UNC5C: variants seen among roughly 807,000 people sequenced by gnomAD.
UNC5C encodes the protein unc-5 netrin receptor C, also known as netrin receptor UNC5C.
Under a neutral mutation model 99.8 loss-of-function variants are expected in UNC5C, and 47 were observed. The observed-to-expected ratio is 0.47, with a 90% CI of 0.37 to 0.60. The LOEUF (loss-of-function observed/expected upper bound fraction) is 0.60, where lower values mean the gene tolerates loss of function less well. UNC5C is among the 20% of genes least tolerant of loss of function. The probability of loss-of-function intolerance (pLI) is 0.00; values close to 1 mark genes in which losing one functional copy is unlikely to be tolerated. For missense variants in UNC5C, 1,062 were observed against 1,165.9 expected, an observed-to-expected ratio of 0.91 and a Z score of 1.30; for synonymous variants, 487 against 452.2, an observed-to-expected ratio of 1.08 and a Z score of -0.98.
intron 3 of UNC5C, among the ~76,000 whole-genome samples, chr4:95,284,527 C>T (rs543848787): frequency 5.3e-4 from 80 of 152,202 alleles, no homozygotes; most frequent in Non-Finnish European, 6.6e-4. Context: ...CTCCTCAGAA[C>T]GACTTTCACA....
At chr4:95,316,049 A>G (rs542502775) in intron 2 of UNC5C, among the ~76,000 whole-genome samples, 2 of 152,304 alleles carry the variant, frequency 1.3e-5, no homozygotes, top group African/African-American at 4.8e-5. Context: ...TGGTTAATAA[A>G]TGTCCTTGGA....
intron 12 of UNC5C, among the ~76,000 whole-genome samples, chr4:95,186,008 C>T (rs1736815437): frequency 6.6e-6 from 1 of 152,150 alleles, no homozygotes; most frequent in South Asian, 2.1e-4. Context: ...ATATATACTT[C>T]CATTTCTCAG....
At chr4:95,278,513 G>A (rs983479386) in intron 3 of UNC5C, 151 bp from the exon 4 acceptor site, 98 of 630,286 alleles carry the variant, frequency 1.6e-4, no homozygotes, top group South Asian at 1.2e-3. Context: ...CTCACTCTGT[G>A]TCCCAGGCTG....
intron 3 of UNC5C, among the ~76,000 whole-genome samples, chr4:95,281,171 T>C (rs965279914): frequency 6.6e-6 from 1 of 152,206 alleles, no homozygotes; most frequent in African/African-American, 2.4e-5. Context: ...TTAAATAACA[T>C]AGTGACTCAC....
chr4:95,548,009 C>T (rs2149498725), intron 1 of UNC5C, among the ~76,000 whole-genome samples: 1 of 152,320 alleles, frequency 6.6e-6, no homozygotes, highest in South Asian at 2.1e-4. Context: ...TTGGTTTGAA[C>T]AAGCAGCCGG....
chr4:95,348,630 C>A (rs1233772235), intron 1 of UNC5C, among the ~76,000 whole-genome samples: 2 of 148,584 alleles, frequency 1.3e-5, no homozygotes, highest in Non-Finnish European at 3.0e-5. Context: ...TATAGTACTC[C>A]ATTGTGTATA....
At chr4:95,514,147 T>C (rs1192290436) in intron 1 of UNC5C, among the ~76,000 whole-genome samples, 1 of 152,170 alleles carries the variant, frequency 6.6e-6, no homozygotes, top group African/African-American at 2.4e-5. Context: ...CAGAACATGT[T>C]CATACAAGAT....
At chr4:95,298,930 A>G (rs1741770546) in intron 3 of UNC5C, among the ~76,000 whole-genome samples, 1 of 152,224 alleles carries the variant, frequency 6.6e-6, no homozygotes, top group South Asian at 2.1e-4. Context: ...GCTGAAAGGC[A>G]TGGAAATCAA....
In UNC5C at chr4:95,467,631, G is replaced by T. The variant is rs554434389; in HGVS notation, c.124+81103C>A. Among the ~76,000 whole-genome samples, 95 of 152,200 alleles carry T rather than the reference G, an allele frequency of 6.2e-4. No individual in the cohort carries two copies. In the Middle Eastern group the frequency reaches 0.014, roughly 22 times the overall value. ...GTGTCTGCATAGTCACTGCATAAAA[G>T]TATTGATTCCAGGAAAGTCTCTTAG... On this transcript the variant is annotated intron_variant, in intron 1 of 15. Coordinates refer to ENST00000453304, the MANE Select transcript of UNC5C (RefSeq NM_003728.4).
At chr4:95,266,561 C>T (rs1013782906) in intron 4 of UNC5C, among the ~76,000 whole-genome samples, 2 of 152,160 alleles carry the variant, frequency 1.3e-5, no homozygotes, top group African/African-American at 4.8e-5. Context: ...AGCTCCTAGA[C>T]TCATGGTTTT....
chr4:95,307,423 C>G (rs1742101505), intron 2 of UNC5C, among the ~76,000 whole-genome samples: 1 of 152,064 alleles, frequency 6.6e-6, no homozygotes, highest in Non-Finnish European at 1.5e-5. Flanking sequence ...GCAACACTTA[C>G]AGAGACTGAA....
chr4:95,356,193 C>CAAAAAAAAAAAA (rs59097041), intron 1 of UNC5C, among the ~76,000 whole-genome samples: 19 of 57,984 alleles, frequency 3.3e-4, no homozygotes, highest in African/African-American at 4.7e-4. Flanking sequence ...GACCCTGTAG[C>CAAAAAAAAAAAA]AAAAAAAAAA....
intron 4 of UNC5C, among the ~76,000 whole-genome samples, chr4:95,267,065 A>G (rs1320473258): frequency 6.6e-6 from 1 of 152,240 alleles, no homozygotes; most frequent in Admixed American, 6.5e-5. Context: ...TTTCCAAACA[A>G]TACTTATTTC....
intron 7 of UNC5C, among the ~76,000 whole-genome samples, chr4:95,224,007 G>C (rs1738574933): frequency 6.6e-6 from 1 of 152,184 alleles, no homozygotes; most frequent in African/African-American, 2.4e-5. Flanking sequence ...TGGCAGCCGG[G>C]CATGGTGGCT....
chr4:95,241,004 G>A (rs1432620436), intron 7 of UNC5C, among the ~76,000 whole-genome samples: 3 of 152,210 alleles, frequency 2.0e-5, no homozygotes, highest in Admixed American at 1.3e-4. Context: ...GAGAAAGAAC[G>A]TGAAAGGCAG....
intron 1 of UNC5C, among the ~76,000 whole-genome samples, chr4:95,352,458 T>C (rs781286373): frequency 6.6e-6 from 1 of 152,182 alleles, no homozygotes; most frequent in Non-Finnish European, 1.5e-5. Flanking sequence ...TTTCCTTCTA[T>C]CTGATTATTT....
At chr4:95,351,017 A>G (rs543327134) in intron 1 of UNC5C, among the ~76,000 whole-genome samples, 1 of 152,268 alleles carries the variant, frequency 6.6e-6, no homozygotes, top group East Asian at 1.9e-4. Flanking sequence ...GTTTGATTGA[A>G]TAACTGGGGA....
intron 1 of UNC5C, among the ~76,000 whole-genome samples, chr4:95,459,940 A>G (rs906423733): frequency 6.6e-6 from 1 of 152,224 alleles, no homozygotes; most frequent in Admixed American, 6.5e-5. Flanking sequence ...TTCCTATAAC[A>G]TTAAGCACTT....
At chr4:95,434,971 G>A (rs191999043) in intron 1 of UNC5C, among the ~76,000 whole-genome samples, 2 of 152,078 alleles carry the variant, frequency 1.3e-5, no homozygotes, top group Admixed American at 6.6e-5. Flanking sequence ...GCAGAAAAAC[G>A]TACAACAGGA....
Sources: allele counts gnomAD v4.1 joint callset (sites outside exome capture counted in the v4.1 genomes callset), GRCh38; gene constraint gnomAD v4.1.1; transcripts MANE v1.5; gene names NCBI Gene and HGNC (gene_info 2026-07-23, HGNC 2026-07-21).